The following SPATS2 variants were observed in gnomAD, a reference collection of about 807,000 sequenced individuals.
The protein encoded by SPATS2 is spermatogenesis associated serine rich 2.
SPATS2 carries 38 observed loss-of-function variants against 63.7 expected under a neutral mutation model. The observed-to-expected ratio is 0.60, with a 90% CI of 0.46 to 0.78. SPATS2 has a LOEUF of 0.78. Among genes scored for constraint, SPATS2 ranks in the 30% least tolerant of loss-of-function variants. The pLI, the probability that SPATS2 is intolerant of heterozygous loss-of-function variation, is 0.00. For missense variants in SPATS2, 588 were observed against 666.2 expected, an observed-to-expected ratio of 0.88 and a Z score of 1.29; for synonymous variants, 207 against 232.9, an observed-to-expected ratio of 0.89 and a Z score of 1.01.
chr12:49,426,439 A>G (rs1945077201), intron 2 of SPATS2, among the ~76,000 whole-genome samples: 2 of 152,210 alleles, frequency 1.3e-5, no homozygotes, highest in African/African-American at 4.8e-5. Context: ...AGGTTCATAT[A>G]AATGGAAACA....
intron 2 of SPATS2, among the ~76,000 whole-genome samples, chr12:49,448,199 G>A (rs1314507444): frequency 6.1e-5 from 9 of 147,412 alleles, no homozygotes; most frequent in Non-Finnish European, 1.2e-4. Context: ...GTGCAGTGGC[G>A]TGATCTCGGC....
At chr12:49,484,487 G>C in intron 3 of SPATS2, 103 bp from the exon 4 acceptor site, 1 of 1,066,424 alleles carries the variant, frequency 9.4e-7, no homozygotes, top group Non-Finnish European at 1.4e-6. Context: ...CTAAGTTGCT[G>C]TTAATTGTTT....
At chr12:49,389,236 G>A (rs1555178614) in intron 2 of SPATS2, among the ~76,000 whole-genome samples, 1 of 152,146 alleles carries the variant, frequency 6.6e-6, no homozygotes, top group Non-Finnish European at 1.5e-5. Context: ...CCACCGTAAC[G>A]CGAGGAAGGA....
At chr12:49,512,804 T>C (rs995354507) in intron 9 of SPATS2, 12 of 1,226,904 alleles carry the variant, frequency 9.8e-6, no homozygotes, top group Non-Finnish European at 1.2e-5. Flanking sequence ...AGAGAGGTAA[T>C]GTCAAACTGT....
intron 2 of SPATS2, among the ~76,000 whole-genome samples, chr12:49,447,662 C>T (rs1477796234): frequency 6.6e-6 from 1 of 152,130 alleles, no homozygotes; most frequent in Non-Finnish European, 1.5e-5. Context: ...ATTATTAATT[C>T]AATTTCTTGA....
intron 9 of SPATS2, among the ~76,000 whole-genome samples, chr12:49,501,557 G>T (rs1014386148): frequency 1.3e-5 from 2 of 152,160 alleles, no homozygotes; most frequent in Non-Finnish European, 2.9e-5. Flanking sequence ...ATGTTTCCTG[G>T]AACACTGAAG....
intron 2 of SPATS2, among the ~76,000 whole-genome samples, chr12:49,436,713 G>C (rs1945303955): frequency 6.9e-6 from 1 of 144,506 alleles, no homozygotes; most frequent in South Asian, 2.2e-4. Context: ...TCCCGGATGG[G>C]GCGGCTGGCC....
chr12:49,523,248 G>A (rs1946972012), intron 12 of SPATS2, among the ~76,000 whole-genome samples: 1 of 152,132 alleles, frequency 6.6e-6, no homozygotes. Context: ...GCTGAGGCCA[G>A]AGGATCACTT....
chr12:49,443,594 A>T (rs1232789586), intron 2 of SPATS2, among the ~76,000 whole-genome samples: 2 of 150,302 alleles, frequency 1.3e-5, no homozygotes, highest in African/African-American at 4.9e-5. Flanking sequence ...CCTTCCTCTT[A>T]TGTTTTTTCT....
At chr12:49,514,092 G>C (rs1441545855) in intron 9 of SPATS2, among the ~76,000 whole-genome samples, 1 of 151,420 alleles carries the variant, frequency 6.6e-6, no homozygotes, top group Admixed American at 6.6e-5. Context: ...GGAAGGCGGA[G>C]CTTGCAGTGA....
At chr12:49,504,770 C>CTTTTTTT (rs745453843) in intron 9 of SPATS2, among the ~76,000 whole-genome samples, 8 of 98,832 alleles carry the variant, frequency 8.1e-5, no homozygotes, top group South Asian at 3.4e-4. Flanking sequence ...TTCTTTCTTT[C>CTTTTTTT]TTTTTTTTTT....
At chr12:49,451,560 TTTAG>T (rs1304954308) in intron 2 of SPATS2, among the ~76,000 whole-genome samples, 3 of 152,234 alleles carry the variant, frequency 2.0e-5, no homozygotes, top group African/African-American at 7.2e-5. Flanking sequence ...AAATACATAC[TTTAG>T]TTAAATTATT....
chr12:49,464,358 G>A (rs1014214160), intron 3 of SPATS2, among the ~76,000 whole-genome samples: 1 of 151,172 alleles, frequency 6.6e-6, no homozygotes, highest in South Asian at 2.1e-4. Context: ...GGTGGCTCAC[G>A]CCTGTAATCC....
chr12:49,502,288 G>T (rs1334334376), intron 9 of SPATS2, among the ~76,000 whole-genome samples: 1 of 152,172 alleles, frequency 6.6e-6, no homozygotes, highest in Admixed American at 6.5e-5. Context: ...AATTGCAGAG[G>T]AGTAGTTAAT....
chr12:49,426,804 AAG>A (rs1479358610), intron 2 of SPATS2, among the ~76,000 whole-genome samples: 2 of 152,146 alleles, frequency 1.3e-5, no homozygotes, highest in African/African-American at 2.4e-5. Context: ...CGGCCTCCCA[AAG>A]TGCTGGGATT....
rs774461380 is a variant in SPATS2 at position 49,524,669 on chromosome 12, A to C, written c.1112-13A>C. 1.2e-5 allele frequency: 20 copies of C among 1,613,408 alleles called. No individual in the cohort carries two copies. Among genetic ancestry groups the C allele is most frequent in the Non-Finnish European group, 7.6e-6 (9 of 1,179,514 alleles). On this transcript the variant is annotated splice_polypyrimidine_tract_variant and intron_variant, in intron 12 of 13. Transcript: ENST00000552918. Reference sequence around the variant, plus strand: ...TATCATATGATCATATATTCCTCATATTTCTGTTTCAGTGTCTCATCCAAA... The same window carrying C: ...TATCATATGATCATATATTCCTCATCTTTCTGTTTCAGTGTCTCATCCAAA...
chr12:49,462,142 A>G (rs1945831576), intron 3 of SPATS2: 1 of 587,060 alleles, frequency 1.7e-6, no homozygotes, highest in Non-Finnish European at 3.0e-6. Context: ...TTTTAAAACT[A>G]GAGAGTCTTT....
At chr12:49,425,455 G>T (rs1204939789) in intron 2 of SPATS2, among the ~76,000 whole-genome samples, 2 of 152,056 alleles carry the variant, frequency 1.3e-5, no homozygotes, top group Non-Finnish European at 2.9e-5. Context: ...GAGTAGCTGG[G>T]ACTACAGGCG....
intron 2 of SPATS2, among the ~76,000 whole-genome samples, chr12:49,438,663 G>A (rs906602411): frequency 8.5e-5 from 13 of 152,160 alleles, no homozygotes; most frequent in African/African-American, 3.1e-4. Flanking sequence ...TCTTGCCGAT[G>A]AGCAATAATG....
Sources: gnomAD v4.1 joint callset for allele counts (sites outside exome capture counted in the v4.1 genomes callset) on GRCh38, gnomAD v4.1.1 for gene constraint, MANE v1.5 for transcripts, NCBI Gene and HGNC (gene_info 2026-07-23, HGNC 2026-07-21) for gene names.